Variants in SFR1 observed in about 807,000 individuals in gnomAD.
SFR1 encodes SWI5 dependent homologous recombination repair protein 1, also known as swi5-dependent recombination DNA repair protein 1 homolog.
A neutral mutation model predicts 26.2 loss-of-function variants in SFR1; 24 were observed. The observed-to-expected ratio is 0.92, with a 90% confidence interval of 0.66 to 1.29. The LOEUF is 1.29. Ranked by LOEUF, SFR1 falls within the 50% of genes most tolerant of loss-of-function variation. SFR1 has a pLI of 0.00. For synonymous variants in SFR1, 77 were observed against 96.6 expected (o/e 0.80, Z 1.19); for missense variants, 276 against 270.2 (o/e 1.02, Z -0.15).
chr10:104,125,639 C>G lies in SFR1; in HGVS notation c.673C>G (p.His225Asp). ...KKLSLTQLID[H>D]YGLDDKLLHY... ...ACTAAGCCTTACTCAATTGATAGACCACTATGGGTTAGATGATAAATTACT... is the reference window on the plus strand; with the variant it reads ...ACTAAGCCTTACTCAATTGATAGACGACTATGGGTTAGATGATAAATTACT... Residue 225 changes from histidine (H) to aspartate (D), a missense_variant, in exon 4 of 4, where the codon CAC becomes GAC. Coordinates refer to ENST00000369727, the MANE Select transcript of SFR1 (RefSeq NM_001002759.2). 1 of 1,612,290 alleles carries G rather than the reference C, an allele frequency of 6.2e-7. No individual in the cohort carries two copies. The highest frequency in any genetic ancestry group is 8.5e-7 in the Non-Finnish European group (1 of 1,178,444).
At chr10:104,123,149 G>A (rs2086985921) in intron 2 of SFR1, 63 bp downstream of exon 2, 1 of 1,281,106 alleles carries the variant, frequency 7.8e-7, no homozygotes, top group African/African-American at 1.5e-5. Context: ...TGGCAGTGGT[G>A]GTTTAAATTC....
chr10:104,121,125 C>T (rs775179069), upstream of SFR1, among the ~76,000 whole-genome samples: 1 of 151,678 alleles, frequency 6.6e-6, no homozygotes, highest in Non-Finnish European at 1.5e-5. Flanking sequence ...GGGATTTTCT[C>T]GACTGAGGAT....
rs563703332 is a variant in SFR1, at chr10:104,125,927, G to A, written c.*223G>A. On this transcript the variant is annotated 3_prime_UTR_variant, in exon 4 of 4. Transcript: ENST00000369727. ...ATTACAGGCGCCCGCCACCATGCCC[G>A]GCTAATTTTTGCATTTTTAGTAGAG... is the stretch of plus-strand genomic sequence containing the variant. 4.5e-4 allele frequency: 144 copies of A among 322,030 alleles called. No individual in the cohort carries two copies. Among genetic ancestry groups the A allele is most frequent in the South Asian group, 7.6e-4 (21 of 27,548 alleles). The allele number at this position is 322,030 out of a possible 1,614,324, so 19.9% of individuals were successfully genotyped here.
In SFR1 at chr10:104,122,721, C is replaced by G. The variant is rs1226096521; in HGVS notation, c.14-244C>G. On this transcript the variant is annotated intron_variant, in intron 1 of 3. Coordinates refer to ENST00000369727, the MANE Select transcript of SFR1 (RefSeq NM_001002759.2). Reference sequence around the variant, plus strand: ...TATATTTTGGTGGATGAAACGAAAACAAGGAGAGTCTTGTGACTATGAGAT... The same window carrying G: ...TATATTTTGGTGGATGAAACGAAAAGAAGGAGAGTCTTGTGACTATGAGAT... 5 of 1,400,900 alleles carry G rather than the reference C, an allele frequency of 3.6e-6. No homozygotes were observed. The African/African-American group carries it at 4.3e-5, about 12-fold the overall frequency. The allele number at this position is 1,400,900 out of a possible 1,614,324, so 86.8% of individuals were successfully genotyped here.
At chr10:104,125,144 C>T (rs1399889444) in intron 3 of SFR1, among the ~76,000 whole-genome samples, 1 of 152,144 alleles carries the variant, frequency 6.6e-6, no homozygotes, top group Non-Finnish European at 1.5e-5. Context: ...TTTTAAAGAG[C>T]AGTTTTAGGT....
chr10:104,123,171 G>GAATTTAATTAA, intron 2 of SFR1, 85 bp downstream of exon 2: 1 of 1,080,946 alleles, frequency 9.3e-7, no homozygotes, highest in South Asian at 1.7e-5. Context: ...ACGGAAGGTT[G>GAATTTAATTAA]TTAATTAACA....
chr10:104,121,715 G>A (rs141699721), upstream of SFR1, among the ~76,000 whole-genome samples: 1,224 of 152,334 alleles, frequency 8.0e-3, 10 homozygotes, highest in Non-Finnish European at 0.013. Context: ...GGGGTGGGGA[G>A]AGGCACTTTC....
intron 1 of SFR1, chr10:104,122,551 G>A (rs2086976766): frequency 4.1e-6 from 4 of 985,312 alleles, no homozygotes; most frequent in Non-Finnish European, 4.8e-6. Flanking sequence ...ACAGCTTGTA[G>A]AGTTCAGGAT....
Position 104,125,542 on chromosome 10 carries a change from A to G in SFR1, c.576A>G (p.Ile192Met), listed in dbSNP as rs533414963. Residue 192 changes from isoleucine (I) to methionine (M), a missense_variant, in exon 4 of 4, where the codon ATA becomes ATG. By Grantham distance (10) the Ile-to-Met change is conservative. Coordinates refer to ENST00000369727, the MANE Select transcript of SFR1 (RefSeq NM_001002759.2). ...ATCTGTCTCAGTTACAGTTGTTAAT[A>G]AAGAAGTGGAGAAGCTGTAGCCAGC... ...KNDLSQLQLL[I>M]KKWRSCSQLL... The G allele has an allele frequency of 6.8e-6, 11 of 1,612,382 alleles. No homozygotes were observed. The East Asian group carries it at 2.5e-4, about 36-fold the overall frequency.
At chr10:104,122,920 G>C (rs1325682515) in intron 1 of SFR1, 45 bp from the exon 2 acceptor site, 1 of 1,603,700 alleles carries the variant, frequency 6.2e-7, no homozygotes, top group South Asian at 1.1e-5. Flanking sequence ...GTCGACTATA[G>C]AGAGGTGTGG....
chr10:104,125,431 C>T (rs938455056), intron 3 of SFR1, 82 bp from the exon 4 acceptor site: 3 of 1,087,630 alleles, frequency 2.8e-6, no homozygotes, highest in South Asian at 2.8e-5. Context: ...TTTAAACCTG[C>T]ACATCCACTA....
rs1472997393 is a variant in SFR1, at chr10:104,124,047, G to T, written c.469G>T (p.Ala157Ser). 1.9e-6 allele frequency: 3 copies of T among 1,613,940 alleles called. No individual in the cohort carries two copies. The highest frequency in any genetic ancestry group is 2.5e-6 in the Non-Finnish European group (3 of 1,179,918). Residue 157 changes from alanine to serine, a missense_variant, in exon 3 of 4, where the codon GCC becomes TCC. Coordinates refer to ENST00000369727, the MANE Select transcript of SFR1 (RefSeq NM_001002759.2). Reference protein sequence around the residue: ...LPKQRLNAEKAKLVKQVQEKE... With the variant: ...LPKQRLNAEKSKLVKQVQEKE... ...TAAACAAAGATTAAACGCTGAAAAA[G>T]CCAAATTGGTGAAGCAGGTTCAGGA...
intron 3 of SFR1, among the ~76,000 whole-genome samples, chr10:104,125,030 T>A (rs1290508079): frequency 3.9e-5 from 6 of 152,208 alleles, no homozygotes; most frequent in Non-Finnish European, 7.3e-5. Context: ...CTTGAACTCC[T>A]GGGCTCAAGC....
In SFR1 at chr10:104,126,379, AAC is replaced by A. The variant is rs1379752792; in HGVS notation, c.*676_*677del. 5 of 152,762 alleles carry A rather than the reference AAC, an allele frequency of 3.3e-5. No individual in the cohort carries two copies. In the East Asian group the frequency reaches 9.6e-4, roughly 29 times the overall value. The allele number at this position is 152,762 out of a possible 1,614,324, so 9.5% of individuals were successfully genotyped here. A position where few individuals can be genotyped will look rare whatever the true frequency, so the allele number is the denominator to read the frequency against. ...CAGGTAATTAAACTTATATGTCCAA[AAC>A]CATATTCTTCCCTGTCTCTTCAAAT... is the stretch of plus-strand genomic sequence containing the variant. On this transcript the variant is annotated 3_prime_UTR_variant, in exon 4 of 4. Coordinates refer to ENST00000369727, the MANE Select transcript of SFR1 (RefSeq NM_001002759.2).
At chr10:104,124,916 C>T (rs2087009195) in intron 3 of SFR1, among the ~76,000 whole-genome samples, 1 of 152,188 alleles carries the variant, frequency 6.6e-6, no homozygotes, top group Admixed American at 6.5e-5. Flanking sequence ...CCCAACTCAG[C>T]CTCCCTAGTA....
At chr10:104,125,456 ATT>A in intron 3 of SFR1, 55 bp from the exon 4 acceptor site, 1 of 1,395,130 alleles carries the variant, frequency 7.2e-7, no homozygotes, top group Non-Finnish European at 1.0e-6. Context: ...AACAACTTTA[ATT>A]AAGTTGAACT....
At chr10:104,122,081 A>T (rs975378156), upstream of SFR1, 2 of 1,340,856 alleles carry the variant, frequency 1.5e-6, no homozygotes, top group African/African-American at 2.9e-5. Flanking sequence ...GCGTCAGGCA[A>T]TCTGGCCAAT....
Position 104,125,788 on chromosome 10 carries a change from T to A in SFR1, c.*84T>A. On this transcript the variant is annotated 3_prime_UTR_variant, in exon 4 of 4. Coordinates refer to ENST00000369727, the MANE Select transcript of SFR1 (RefSeq NM_001002759.2). ...GGCACTTTTTTTTTTTTTTTGAGAC[T>A]GAGTTTCGCTCTTGTCATCCTGGCT... 1.2e-6 allele frequency: 1 copy of A among 837,504 alleles called. No individual in the cohort carries two copies. The highest frequency in any genetic ancestry group is 1.9e-6 in the Non-Finnish European group (1 of 539,454). 51.9% of individuals were successfully genotyped at this position (837,504 alleles called of 1,614,324 possible). A position where few individuals can be genotyped will look rare whatever the true frequency, so the allele number is the denominator to read the frequency against.
At chr10:104,121,176 A>G (rs927349835), upstream of SFR1, among the ~76,000 whole-genome samples, 2 of 151,996 alleles carry the variant, frequency 1.3e-5, no homozygotes, top group Non-Finnish European at 2.9e-5. Flanking sequence ...TCGGTCTCAA[A>G]CGTGAATTTT....
Sources: gnomAD v4.1 joint callset for allele counts (sites outside exome capture counted in the v4.1 genomes callset) on GRCh38, gnomAD v4.1.1 for gene constraint, MANE v1.5 for transcripts, NCBI Gene and HGNC (gene_info 2026-07-23, HGNC 2026-07-21) for gene names.